Variants in VPS25 observed in about 807,000 individuals in gnomAD.
VPS25 encodes the protein vacuolar protein-sorting-associated protein 25.
VPS25 carries 21 observed loss-of-function variants against 30.3 expected under a neutral mutation model. The ratio of observed to expected loss-of-function variants is 0.69; its 90% CI spans 0.49 to 1.00. VPS25 has a LOEUF of 1.00. Ranked by LOEUF, VPS25 falls within the 50% of genes least tolerant of loss-of-function variation. The pLI, the probability that VPS25 is intolerant of heterozygous loss-of-function variation, is 0.00. For missense variants in VPS25, 156 were observed against 217.2 expected (o/e 0.72, Z 1.77); for synonymous variants, 101 against 88.1 (o/e 1.15, Z -0.82).
Position 42,776,307 on chromosome 17 carries a change from C to T in VPS25, c.405C>T (p.Asp135=). 1 of 1,613,486 alleles carries T rather than the reference C, an allele frequency of 6.2e-7. No individual in the cohort carries two copies. Among genetic ancestry groups the T allele is most frequent in the Non-Finnish European group, 8.5e-7 (1 of 1,179,970 alleles). The change falls in exon 5 of 6, where the codon GAC becomes GAT. Residue 135 remains aspartate (D), a synonymous_variant. Coordinates refer to ENST00000253794, the MANE Select transcript of VPS25 (RefSeq NM_032353.4). ...FTLYELTNGE[D]TEDEEFHGLD... ...TGTATGAACTGACTAATGGGGAAGA[C>T]ACAGAGGATGAGGGTAATGCCTTTC...
intron 2 of VPS25, 74 bp from the exon 3 acceptor site, chr17:42,774,572 C>A: frequency 7.5e-7 from 1 of 1,332,494 alleles, no homozygotes; most frequent in South Asian, 1.2e-5. Flanking sequence ...AGGTGTTTCT[C>A]AACATGGGAC....
chr17:42,774,372 CTTTTTTT>C (rs1161401913), intron 2 of VPS25: 10 of 227,322 alleles, frequency 4.4e-5, no homozygotes, highest in African/African-American at 7.7e-5. Flanking sequence ...TTCTTTCTTT[CTTTTTTT>C]TTTTTTTTTT....
intron 2 of VPS25, 197 bp from the exon 3 acceptor site, chr17:42,774,449 C>T (rs1450932492): frequency 2.3e-6 from 1 of 432,540 alleles, no homozygotes; most frequent in Non-Finnish European, 4.1e-6. Flanking sequence ...TCACATAAAG[C>T]TCCTTTTAAT....
intron 3 of VPS25, 175 bp downstream of exon 3, chr17:42,774,874 T>C (rs762106607): frequency 3.7e-6 from 2 of 534,738 alleles, no homozygotes; most frequent in Admixed American, 3.1e-5. Flanking sequence ...GTACACAAAA[T>C]TGAAATCTCT....
intron 4 of VPS25, 89 bp downstream of exon 4, chr17:42,775,558 A>G: frequency 1.8e-6 from 2 of 1,096,396 alleles, no homozygotes; most frequent in Non-Finnish European, 2.6e-6. Flanking sequence ...GTGTTCCCAG[A>G]TCCAGACTGA....
At chr17:42,773,915 T>A in intron 2 of VPS25, 37 bp downstream of exon 2, 1 of 1,592,736 alleles carries the variant, frequency 6.3e-7, no homozygotes, top group South Asian at 1.1e-5. Context: ...CCCATACACA[T>A]GCACTTCTGC....
chr17:42,774,233 C>A (rs1343511136), intron 2 of VPS25: 1 of 270,232 alleles, frequency 3.7e-6, no homozygotes, highest in Non-Finnish European at 6.9e-6. Flanking sequence ...TCTCTGCCCC[C>A]CTCCTGCCAG....
At chr17:42,774,738 G>A in intron 3 of VPS25, 39 bp downstream of exon 3, 1 of 1,597,096 alleles carries the variant, frequency 6.3e-7, no homozygotes, top group Non-Finnish European at 8.6e-7. Flanking sequence ...TTTCTTCCTA[G>A]TTGGGTTTTC....
chr17:42,776,663 G>GTTTTT (rs1205721262), intron 5 of VPS25, among the ~76,000 whole-genome samples: 1 of 120,944 alleles, frequency 8.3e-6, no homozygotes. Context: ...TGCCCCGCCT[G>GTTTTT]TTTTTTTTTT....
At position 42,775,055 on chromosome 17, in the gene VPS25, T is replaced by G. The variant is rs114778423; in HGVS notation, c.254-326T>G. On this transcript the variant is annotated intron_variant, in intron 3 of 5. Coordinates refer to ENST00000253794, the MANE Select transcript of VPS25 (RefSeq NM_032353.4). Reference sequence around the variant, plus strand: ...TTTTTAGTTCATGATACTTTTTTTTTGGGTGGGGAGATAAGGTCTCACTCT... The same window carrying G: ...TTTTTAGTTCATGATACTTTTTTTTGGGGTGGGGAGATAAGGTCTCACTCT... 5.2e-3 allele frequency: 1,841 copies of G among 356,934 alleles called. 27 individuals carry two copies. Among genetic ancestry groups the G allele is most frequent in the African/African-American group, 0.036 (1,729 of 47,966 alleles). 22.1% of individuals were successfully genotyped at this position (356,934 alleles called of 1,614,324 possible).
Position 42,773,853 on chromosome 17 carries a change from G to C in VPS25, c.174G>C (p.Pro58=). The change falls in exon 2 of 6, where the codon CCG becomes CCC. Residue 58 remains proline, a synonymous_variant. Transcript: ENST00000253794. ...CGGTGATGGAAGCTCAGGAGAGCCCGCTCTTCAACAACGTCAAGCTACAGC... is the reference window on the plus strand; with the variant it reads ...CGGTGATGGAAGCTCAGGAGAGCCCCCTCTTCAACAACGTCAAGCTACAGC... The part of the protein sequence containing the change: ...SMTVMEAQES[P]LFNNVKLQRK... 3 of 1,613,748 alleles carry C rather than the reference G, an allele frequency of 1.9e-6. No individual in the cohort carries two copies. Among genetic ancestry groups the C allele is most frequent in the Non-Finnish European group, 2.5e-6 (3 of 1,180,026 alleles).
chr17:42,779,049 C>T lies in VPS25; in HGVS notation c.511C>T (p.Arg171Ter), dbSNP rs2054453134. ...KAEIITVSDG[R>*]GVKFF ...CGAGATCATCACTGTCAGCGATGGCCGAGGCGTCAAGTTCTTCTAGCAGGG... is the reference window on the plus strand; with the variant it reads ...CGAGATCATCACTGTCAGCGATGGCTGAGGCGTCAAGTTCTTCTAGCAGGG... The change falls in exon 6 of 6, where the codon CGA (arginine) becomes TGA (stop). Residue 171 changes from arginine to a stop codon, truncating the protein, a stop_gained. Coordinates refer to ENST00000253794, the MANE Select transcript of VPS25 (RefSeq NM_032353.4). LOFTEE classifies it high-confidence loss of function. 4 of 1,613,954 alleles carry T rather than the reference C, an allele frequency of 2.5e-6. No homozygotes were observed. The highest frequency in any genetic ancestry group is 1.1e-5 in the South Asian group (1 of 91,042).
chr17:42,775,511 G>C (rs367774819), intron 4 of VPS25, 42 bp downstream of exon 4: 1 of 1,543,156 alleles, frequency 6.5e-7, no homozygotes, highest in Non-Finnish European at 8.9e-7. Flanking sequence ...GTGACCCATG[G>C]AAAAGGTTAA....
In VPS25 at chr17:42,774,642, C is replaced by T; in HGVS notation, c.200-4C>T. 2 of 1,612,156 alleles carry T rather than the reference C, an allele frequency of 1.2e-6. No individual in the cohort carries two copies. Among genetic ancestry groups the T allele is most frequent in the Non-Finnish European group, 1.7e-6 (2 of 1,178,576 alleles). ...TGTATGCCGTTCCCTTAACCTTAAA[C>T]CAGGAAAGCTTCCTGTGGAGTCGAT... On this transcript the variant is annotated splice_region_variant and splice_polypyrimidine_tract_variant and intron_variant, in intron 2 of 5. Transcript: ENST00000253794.
In VPS25 at chr17:42,773,742, G is replaced by A. The variant is rs761772786; in HGVS notation, c.63G>A (p.Pro21=). The change falls in exon 2 of 6, where the codon CCG becomes CCA. Residue 21 remains proline (P), a synonymous_variant. Coordinates refer to ENST00000253794, the MANE Select transcript of VPS25 (RefSeq NM_032353.4). ...TCCCTTCACCCGGCAGGTTACAACC[G>A]AATGTGGACACTCGGCAGAAGCAGC... ...YRFPPFFTLQ[P]NVDTRQKQLA... The A allele has an allele frequency of 2.5e-6, 4 of 1,613,870 alleles. No homozygotes were observed. The highest frequency in any genetic ancestry group is 2.2e-5 in the East Asian group (1 of 44,900).
At chr17:42,777,079 C>A (rs2054440571) in intron 5 of VPS25, among the ~76,000 whole-genome samples, 1 of 152,002 alleles carries the variant, frequency 6.6e-6, no homozygotes, top group African/African-American at 2.4e-5. Context: ...ATCAGCTGGG[C>A]ATGGTGCTGT....
Position 42,773,884 on chromosome 17 carries a change from C to T in VPS25, c.199+6C>T. On this transcript the variant is annotated splice_donor_region_variant and intron_variant, in intron 2 of 5. Coordinates refer to ENST00000253794, the MANE Select transcript of VPS25 (RefSeq NM_032353.4). ...CAACAACGTCAAGCTACAGCGTATC[C>T]TCCCTCAGGCTCTTCCACAGCCCAT... The T allele has an allele frequency of 1.2e-5, 19 of 1,611,204 alleles. No homozygotes were observed. The highest frequency in any genetic ancestry group is 1.6e-5 in the Non-Finnish European group (19 of 1,179,540).
At position 42,774,388 on chromosome 17, in the gene VPS25, T is replaced by C. The variant is rs2054425541; in HGVS notation, c.200-258T>C. ...TCTTTCTTTCTTTTTTTTTTTTTTT[T>C]TTGGAGACAGGGTCTTCCTCTCTTG... On this transcript the variant is annotated intron_variant, in intron 2 of 5. Transcript: ENST00000253794. 6 of 361,020 alleles carry C rather than the reference T, an allele frequency of 1.7e-5. No individual in the cohort carries two copies. The South Asian group carries it at 5.2e-4, about 31-fold the overall frequency. 22.4% of individuals were successfully genotyped at this position (361,020 alleles called of 1,614,324 possible).
Position 42,773,643 on chromosome 17 carries a change from C to T in VPS25, c.54-90C>T, listed in dbSNP as rs200423575. 1.7e-5 allele frequency: 28 copies of T among 1,606,132 alleles called. No individual in the cohort carries two copies. In the East Asian group the frequency reaches 2.2e-4, roughly 13 times the overall value. ...GAGAAAAGACCCGTCGGCCAACACCCTCAGTCCCTTACTTTCTTCCTGAAA... is the reference window on the plus strand; with the variant it reads ...GAGAAAAGACCCGTCGGCCAACACCTTCAGTCCCTTACTTTCTTCCTGAAA... On this transcript the variant is annotated intron_variant, in intron 1 of 5. Coordinates refer to ENST00000253794, the MANE Select transcript of VPS25 (RefSeq NM_032353.4).
Sources: allele counts gnomAD v4.1 joint callset (sites outside exome capture counted in the v4.1 genomes callset), GRCh38; gene constraint gnomAD v4.1.1; transcripts MANE v1.5; gene names NCBI Gene and HGNC (gene_info 2026-07-23, HGNC 2026-07-21).